DEPDC4: variants seen among roughly 807,000 people sequenced by gnomAD.
DEPDC4 encodes the protein DEP domain-containing protein 4.
DEPDC4 carries 52 observed loss-of-function variants against 52.0 expected under a neutral mutation model. The observed-to-expected ratio is 1.00, with a 90% confidence interval of 0.80 to 1.26. The LOEUF is 1.26. Ranked by LOEUF, DEPDC4 falls within the 50% of genes most tolerant of loss-of-function variation. DEPDC4 has a pLI of 0.00. For missense variants in DEPDC4, 530 were observed against 546.9 expected (o/e 0.97, Z 0.31); for synonymous variants, 201 against 196.8 (o/e 1.02, Z -0.18).
rs200666698 is a variant in DEPDC4 at position 100,244,070 on chromosome 12, C to CCT, written c.1454-1503_1454-1502dup. Among the ~76,000 whole-genome samples, 226 of 84,154 alleles carry CCT rather than the reference C, an allele frequency of 2.7e-3. 10 individuals are homozygous for CCT. The East Asian group carries it at 0.052, about 19-fold the overall frequency. 55.2% of individuals were successfully genotyped at this position (84,154 alleles called of 152,430 possible). ...TACTTAGCACAGGCAGAGGTGTCTC[C>CCT]CTCTCTCTCTCTCTCTCTCTCTGTG... is the stretch of plus-strand genomic sequence containing the variant. On this transcript the variant is annotated intron_variant, in intron 8 of 9. Coordinates refer to ENST00000550587, the MANE Select transcript of DEPDC4 (RefSeq NM_001364818.2).
At chr12:100,239,931 A>C (rs1338638785), downstream of DEPDC4, among the ~76,000 whole-genome samples, 2 of 152,168 alleles carry the variant, frequency 1.3e-5, no homozygotes, top group African/African-American at 4.8e-5. Context: ...CTCCTGCTTC[A>C]GCCTCTCAAA....
rs1386482022 is a variant in DEPDC4, at chr12:100,252,182, G to C, written c.1368C>G (p.Leu456=). ...VWFPLEYHSE[L]FKTPVTLLDL... ...GGCAAAATGCCAGAGATACCTTGAA[G>C]AGCTCAGAGTGGTACTCCAGTGGAA... The change falls in exon 7 of 10, where the codon CTC becomes CTG. Residue 456 remains leucine (L), a synonymous_variant. Transcript: ENST00000550587. 8.2e-7 allele frequency: 1 copy of C among 1,213,926 alleles called. No individual in the cohort carries two copies. Among genetic ancestry groups the C allele is most frequent in the Non-Finnish European group, 1.0e-6 (1 of 967,016 alleles). 75.2% of individuals were successfully genotyped at this position (1,213,926 alleles called of 1,614,324 possible). A position where few individuals can be genotyped will look rare whatever the true frequency, so the allele number is the denominator to read the frequency against.
chr12:100,263,693 C>A lies in DEPDC4; in HGVS notation c.358G>T (p.Gly120Trp), dbSNP rs771572337. The A allele has an allele frequency of 6.2e-7, 1 of 1,614,088 alleles. No individual in the cohort carries two copies. Among genetic ancestry groups the A allele is most frequent in the Non-Finnish European group, 8.5e-7 (1 of 1,180,006 alleles). Residue 120 changes from glycine (G) to tryptophan (W), a missense_variant, in exon 2 of 10, where the codon GGG becomes TGG. Gly to Trp is a radical substitution (Grantham distance 184, BLOSUM62 -2). Transcript: ENST00000550587. ...ATTAGAACTTGGCAAAGATGAACCCCTTTAAGACAAGAGATGTCATTGCTA... is the reference window on the plus strand; with the variant it reads ...ATTAGAACTTGGCAAAGATGAACCCATTTAAGACAAGAGATGTCATTGCTA... ...LSSNDISCLKGVHLCQVLMNH... is the reference protein window; with the variant it reads ...LSSNDISCLKWVHLCQVLMNH...
the DEPDC4 span, among the ~76,000 whole-genome samples, chr12:100,272,930 C>T: frequency 6.6e-6 from 1 of 152,174 alleles, no homozygotes; most frequent in African/African-American, 2.4e-5. Context: ...TTTGAAATAC[C>T]TCCTTTACCC....
chr12:100,237,646 G>A (rs1313727688), downstream of DEPDC4, among the ~76,000 whole-genome samples: 1 of 152,122 alleles, frequency 6.6e-6, no homozygotes, highest in Non-Finnish European at 1.5e-5. Flanking sequence ...ATTTACAGAT[G>A]GACAGATGAC....
the DEPDC4 span, among the ~76,000 whole-genome samples, chr12:100,278,916 C>A: frequency 1.3e-5 from 2 of 152,182 alleles, no homozygotes; most frequent in Non-Finnish European, 2.9e-5. Flanking sequence ...GCGTGAGCCA[C>A]CGCGCCTGGC....
chr12:100,271,293 A>G (rs999114176), upstream of DEPDC4, among the ~76,000 whole-genome samples: 3 of 145,730 alleles, frequency 2.1e-5, no homozygotes, highest in African/African-American at 7.6e-5. Flanking sequence ...GAGAGAGAGA[A>G]TATATCTTAA....
At chr12:100,261,987 C>T (rs1037966712) in intron 3 of DEPDC4, among the ~76,000 whole-genome samples, 1 of 152,106 alleles carries the variant, frequency 6.6e-6, no homozygotes, top group South Asian at 2.1e-4. Context: ...TGTACAAACC[C>T]ATAGAATGTA....
Position 100,241,769 on chromosome 12 carries a change from C to G in DEPDC4, c.*123G>C. 1 of 1,276,468 alleles carries G rather than the reference C, an allele frequency of 7.8e-7. No homozygotes were observed. Among genetic ancestry groups the G allele is most frequent in the Non-Finnish European group, 1.0e-6 (1 of 982,756 alleles). The allele number at this position is 1,276,468 out of a possible 1,614,324, so 79.1% of individuals were successfully genotyped here. On this transcript the variant is annotated 3_prime_UTR_variant, in exon 10 of 10. Transcript: ENST00000550587. ...GGTTACTATTAATCTCAAGAGCCAA[C>G]TGGTGTAGATACTGAATTGTCCTTC...
chr12:100,267,202 T>C (rs1275378727), upstream of DEPDC4: 1 of 1,008,256 alleles, frequency 9.9e-7, no homozygotes, highest in East Asian at 2.6e-5. Context: ...CCCTTACTCT[T>C]CGTCCCCGGT....
At chr12:100,274,365 T>C in the DEPDC4 span, among the ~76,000 whole-genome samples, 1 of 152,220 alleles carries the variant, frequency 6.6e-6, no homozygotes, top group Non-Finnish European at 1.5e-5. Flanking sequence ...TAAATTGTCG[T>C]ATATTGTGAT....
chr12:100,251,986 C>G lies in DEPDC4; in HGVS notation c.1374+190G>C, dbSNP rs73147812. Among the ~76,000 whole-genome samples, 484 of 152,300 alleles carry G rather than the reference C, an allele frequency of 3.2e-3. 3 individuals carry two copies. Among genetic ancestry groups the G allele is most frequent in the Non-Finnish European group, 5.2e-3 (353 of 68,024 alleles). ...AAGTGCTGGGATTACAAGTATGAGC[C>G]ACTGTACCCAGCCAACAAAACGGTT... On this transcript the variant is annotated intron_variant, in intron 7 of 9. Coordinates refer to ENST00000550587, the MANE Select transcript of DEPDC4 (RefSeq NM_001364818.2).
At chr12:100,247,206 T>G (rs562747344) in intron 8 of DEPDC4, among the ~76,000 whole-genome samples, 19 of 131,352 alleles carry the variant, frequency 1.4e-4, no homozygotes, top group African/African-American at 5.3e-4. Context: ...TTAGTGTTTT[T>G]TTTTTTTTTT....
chr12:100,262,231 C>T (rs756880458), intron 3 of DEPDC4, 33 bp downstream of exon 3: 9 of 1,588,958 alleles, frequency 5.7e-6, no homozygotes, highest in Non-Finnish European at 7.7e-6. Flanking sequence ...TTCTTCCTTA[C>T]CATGTTCTGA....
the DEPDC4 span, among the ~76,000 whole-genome samples, chr12:100,281,587 ACTTT>A: frequency 1.3e-5 from 2 of 152,162 alleles, no homozygotes; most frequent in Non-Finnish European, 2.9e-5. Flanking sequence ...TAATCCCAGC[ACTTT>A]GGGAGTCTGA....
At chr12:100,267,481 G>A (rs1382937767), upstream of DEPDC4, 2 of 162,888 alleles carry the variant, frequency 1.2e-5, no homozygotes, top group Non-Finnish European at 2.7e-5. Flanking sequence ...AGGAGGGAAT[G>A]GAGGACTCGC....
the DEPDC4 span, among the ~76,000 whole-genome samples, chr12:100,277,550 A>C: frequency 6.6e-6 from 1 of 151,978 alleles, no homozygotes; most frequent in Admixed American, 6.6e-5. Context: ...TAATATTGCC[A>C]CTCCAGCTTG....
upstream of DEPDC4, among the ~76,000 whole-genome samples, chr12:100,268,076 T>C (rs1361871213): frequency 6.6e-6 from 1 of 152,110 alleles, no homozygotes; most frequent in African/African-American, 2.4e-5. Flanking sequence ...GATCCGTAAT[T>C]AAGGAGGCCA....
At chr12:100,259,081 A>AAAAAAATATAT (rs543577636) in intron 3 of DEPDC4, among the ~76,000 whole-genome samples, 1 of 149,090 alleles carries the variant, frequency 6.7e-6, no homozygotes, top group African/African-American at 2.5e-5. Flanking sequence ...AAAAAAAAAA[A>AAAAAAATATAT]ATATATATAT....
Sources: gnomAD v4.1 joint callset for allele counts (sites outside exome capture counted in the v4.1 genomes callset) on GRCh38, gnomAD v4.1.1 for gene constraint, MANE v1.5 for transcripts, NCBI Gene and HGNC (gene_info 2026-07-23, HGNC 2026-07-21) for gene names.